Variants in NKD1 observed in about 807,000 individuals in gnomAD.
The protein encoded by NKD1 is protein naked cuticle homolog 1.
Under a neutral mutation model 56.0 loss-of-function variants are expected in NKD1, and 21 were observed. The ratio of observed to expected loss-of-function variants is 0.38; its 90% CI spans 0.27 to 0.54. The LOEUF (loss-of-function observed/expected upper bound fraction) is 0.54, where lower values mean the gene tolerates loss of function less well. Ranked by LOEUF, NKD1 falls within the 20% of genes least tolerant of loss-of-function variation. The pLI, the probability that NKD1 is intolerant of heterozygous loss-of-function variation, is 0.82. For missense variants in NKD1, 578 were observed against 642.7 expected (o/e 0.90, Z 1.09); for synonymous variants, 263 against 265.7 (o/e 0.99, Z 0.10).
intron 3 of NKD1, among the ~76,000 whole-genome samples, chr16:50,605,357 T>A (rs1437925873): frequency 1.3e-5 from 2 of 152,214 alleles, no homozygotes; most frequent in Non-Finnish European, 2.9e-5. Flanking sequence ...TGATTATACC[T>A]CTCGCTTTAC....
In NKD1 at chr16:50,647,225, G is replaced by A. The variant is rs1178684247; in HGVS notation, c.*13444G>A. The A allele has an allele frequency of 6.6e-6, 1 of 152,208 alleles. No individual in the cohort carries two copies. Among genetic ancestry groups the A allele is most frequent in the Non-Finnish European group, 1.5e-5 (1 of 68,048 alleles). The allele number at this position is 152,208 out of a possible 1,614,324, so 9.4% of individuals were successfully genotyped here. A position where few individuals can be genotyped will look rare whatever the true frequency, so the allele number is the denominator to read the frequency against. ...CAGACATGGCAAAGTCCTCACCTTT[G>A]CCAGTGACTGATTCAGGAAAGATCA... is the stretch of plus-strand genomic sequence containing the variant. On this transcript the variant is annotated 3_prime_UTR_variant, in exon 10 of 10. Transcript: ENST00000268459.
intron 3 of NKD1, among the ~76,000 whole-genome samples, chr16:50,583,250 G>A (rs1332303540): frequency 6.6e-6 from 1 of 152,174 alleles, no homozygotes; most frequent in Non-Finnish European, 1.5e-5. Context: ...TTTTGCTTTT[G>A]TGCTTTTGAG....
intron 3 of NKD1, among the ~76,000 whole-genome samples, chr16:50,588,598 C>CTTTTT (rs574622414): frequency 1.1e-3 from 102 of 94,654 alleles, no homozygotes; most frequent in Non-Finnish European, 1.5e-3. Flanking sequence ...TTTTCTTCTG[C>CTTTTT]TTTTTTTTTT....
Position 50,632,203 on chromosome 16 carries a change from G to C in NKD1, c.696-78G>C, listed in dbSNP as rs2151281333. 1 of 1,428,088 alleles carries C rather than the reference G, an allele frequency of 7.0e-7. No homozygotes were observed. Among genetic ancestry groups the C allele is most frequent in the South Asian group, 1.2e-5 (1 of 83,828 alleles). 88.5% of individuals were successfully genotyped at this position (1,428,088 alleles called of 1,614,324 possible). ...AATGAAGGGTCCAGAGTTCATTCTG[G>C]GGGCTTCCTAGTAGCCTATGCGCTT... On this transcript the variant is annotated intron_variant, in intron 8 of 9. Transcript: ENST00000268459. This position sits in a 1 kb window ranked among gnomAD's most constrained non-coding sequence, Gnocchi z 4.1.
intron 3 of NKD1, chr16:50,552,247 A>G (rs1960404490): frequency 6.6e-6 from 1 of 152,196 alleles, no homozygotes; most frequent in Admixed American, 6.5e-5. Flanking sequence ...CATTATCTTA[A>G]TCCTCCCCAT....
intron 6 of NKD1, 72 bp from the exon 7 acceptor site, chr16:50,630,114 G>A (rs1422131334): frequency 2.1e-6 from 3 of 1,446,654 alleles, no homozygotes; most frequent in Non-Finnish European, 1.9e-6. Context: ...GCGTCCACCA[G>A]GCCCTCTGGT....
intron 3 of NKD1, among the ~76,000 whole-genome samples, chr16:50,566,862 C>G (rs537840254): frequency 6.6e-6 from 1 of 152,308 alleles, no homozygotes; most frequent in East Asian, 1.9e-4. Flanking sequence ...ATTTTTAACC[C>G]TCAAGGAGTG....
At chr16:50,612,054 C>G (rs960430420) in intron 4 of NKD1, among the ~76,000 whole-genome samples, 1 of 152,158 alleles carries the variant, frequency 6.6e-6, no homozygotes. Flanking sequence ...AAGGCCTCCC[C>G]GTACTCCTGG....
intron 3 of NKD1, chr16:50,562,348 A>C: frequency 1.2e-6 from 1 of 800,280 alleles, no homozygotes; most frequent in Admixed American, 6.2e-5. Context: ...GGAAGGGTAC[A>C]CTGTCAAGGA....
intron 3 of NKD1, among the ~76,000 whole-genome samples, chr16:50,589,746 T>TCTCTC (rs1961315215): frequency 1.1e-5 from 1 of 94,038 alleles, no homozygotes; most frequent in South Asian, 3.6e-4. Flanking sequence ...TCTCTTCTCT[T>TCTCTC]CTCTTCTCTT....
chr16:50,598,262 T>TGTGCGCGC lies in NKD1; in HGVS notation c.193-10031_193-10030insTGCGCGCG, dbSNP rs138964473. ...GTGTGTGTGTGTGTGTGTGTGTGTGTGCGCGCACACCTGTGCTCATGGACA... is the reference window on the plus strand; with the variant it reads ...GTGTGTGTGTGTGTGTGTGTGTGTGTGTGCGCGCGCGCGCACACCTGTGCTCATGGACA... On this transcript the variant is annotated intron_variant, in intron 3 of 9. Transcript: ENST00000268459. The surrounding 1 kb of genome is among the most constrained non-coding windows in gnomAD (Gnocchi z 4.2). Among the ~76,000 whole-genome samples, 33 of 148,564 alleles carry TGTGCGCGC rather than the reference T, an allele frequency of 2.2e-4. No individual in the cohort carries two copies. Among genetic ancestry groups the TGTGCGCGC allele is most frequent in the African/African-American group, 6.9e-4 (27 of 39,052 alleles).
intron 3 of NKD1, among the ~76,000 whole-genome samples, chr16:50,602,303 T>C (rs8052312): frequency 6.6e-6 from 1 of 152,144 alleles, no homozygotes; most frequent in Non-Finnish European, 1.5e-5. Context: ...TGCCCATTGA[T>C]GGGATGCGGG....
chr16:50,579,582 G>C (rs112551606), intron 3 of NKD1, among the ~76,000 whole-genome samples: 13 of 108,582 alleles, frequency 1.2e-4, no homozygotes, highest in Admixed American at 9.2e-5. Context: ...CACTGTCTTA[G>C]TCCTGCGGGC....
At chr16:50,548,903 C>A in intron 2 of NKD1, 154 bp downstream of exon 2, 1 of 845,078 alleles carries the variant, frequency 1.2e-6, no homozygotes, top group Non-Finnish European at 1.4e-6. Flanking sequence ...GAGCAGCCTT[C>A]GCGCCCCCTC....
intron 4 of NKD1, among the ~76,000 whole-genome samples, chr16:50,610,195 T>A (rs186050790): frequency 0.015 from 2,350 of 152,244 alleles, 50 homozygotes; most frequent in Admixed American, 0.053. Context: ...CTATATTTTT[T>A]AAAAAATCAA....
intron 3 of NKD1, among the ~76,000 whole-genome samples, chr16:50,602,259 CTT>C (rs1439794023): frequency 6.6e-6 from 1 of 152,164 alleles, no homozygotes; most frequent in Non-Finnish European, 1.5e-5. Flanking sequence ...CGGTCTTCCT[CTT>C]GTTTCCTGGG....
rs2151281676 is a variant in NKD1, at chr16:50,633,426, G to A, written c.1058G>A (p.Gly353Asp). 1.9e-6 allele frequency: 3 copies of A among 1,612,664 alleles called. No individual in the cohort carries two copies. The South Asian group carries it at 3.3e-5, about 18-fold the overall frequency. Residue 353 changes from glycine (G) to aspartate (D), a missense_variant, in exon 10 of 10, where the codon GGC becomes GAC. Gly to Asp is a moderately conservative substitution (Grantham distance 94). Transcript: ENST00000268459. This position sits in a 1 kb window ranked among gnomAD's most constrained non-coding sequence, Gnocchi z 4.9. ...TTTGTGAGGTCCCCCAAGGCCCAGG[G>A]CAAGAGTGTGGGTGTGGGCCACGTG... ...KHFVRSPKAQ[G>D]KSVGVGHVAR...
Position 50,643,926 on chromosome 16 carries a change from G to A in NKD1, c.*10145G>A, listed in dbSNP as rs1962628624. The A allele has an allele frequency of 6.6e-6, 1 of 152,224 alleles. No homozygotes were observed. 9.4% of individuals were successfully genotyped at this position (152,224 alleles called of 1,614,324 possible). On this transcript the variant is annotated 3_prime_UTR_variant, in exon 10 of 10. Transcript: ENST00000268459. Reference sequence around the variant, plus strand: ...GCACAAGATGGCACTTCAGCGTCATGCCTGGGGAGCATTTTAAGCAGCCAA... The same window carrying A: ...GCACAAGATGGCACTTCAGCGTCATACCTGGGGAGCATTTTAAGCAGCCAA...
rs1464412966 is a variant in NKD1 at position 50,635,001 on chromosome 16, G to T, written c.*1220G>T. ...CCAGAGCCTGGAGAAACCTGAAAAAGAACCAGTCAGCTAGCCAGGGTCTCA... is the reference window on the plus strand; with the variant it reads ...CCAGAGCCTGGAGAAACCTGAAAAATAACCAGTCAGCTAGCCAGGGTCTCA... On this transcript the variant is annotated 3_prime_UTR_variant, in exon 10 of 10. Coordinates refer to ENST00000268459, the MANE Select transcript of NKD1 (RefSeq NM_033119.5). This position sits in a 1 kb window ranked among gnomAD's most constrained non-coding sequence, Gnocchi z 4.1. 1 of 152,206 alleles carries T rather than the reference G, an allele frequency of 6.6e-6. No individual in the cohort carries two copies. The highest frequency in any genetic ancestry group is 1.5e-5 in the Non-Finnish European group (1 of 68,042). 9.4% of individuals were successfully genotyped at this position (152,206 alleles called of 1,614,324 possible).
Sources: allele counts gnomAD v4.1 joint callset (sites outside exome capture counted in the v4.1 genomes callset), GRCh38; gene constraint gnomAD v4.1.1; non-coding constraint Gnocchi (gnomAD v3.1); transcripts MANE v1.5; gene names NCBI Gene and HGNC (gene_info 2026-07-23, HGNC 2026-07-21).